CNOT6: variants seen among roughly 807,000 people sequenced by gnomAD.
CNOT6 encodes the protein carbon catabolite repression 4 protein.
Under a neutral mutation model 61.2 loss-of-function variants are expected in CNOT6, and 12 were observed. The ratio of observed to expected loss-of-function variants is 0.20; its 90% CI spans 0.13 to 0.32. The LOEUF is 0.32. CNOT6 is among the 10% of genes least tolerant of loss of function. CNOT6 has a pLI of 1.00. For synonymous variants in CNOT6, 225 were observed against 240.6 expected, an observed-to-expected ratio of 0.94 and a Z score of 0.60; for missense variants, 405 against 663.9, an observed-to-expected ratio of 0.61 and a Z score of 4.28.
At chr5:180,502,146 A>T (rs1284870190) in intron 1 of CNOT6, among the ~76,000 whole-genome samples, 1 of 152,218 alleles carries the variant, frequency 6.6e-6, no homozygotes, top group Non-Finnish European at 1.5e-5. Context: ...TAAGTCCAAA[A>T]CTTTGGAAAT....
chr5:180,533,099 T>C (rs899812606), intron 2 of CNOT6, among the ~76,000 whole-genome samples: 2 of 152,084 alleles, frequency 1.3e-5, no homozygotes, highest in African/African-American at 4.8e-5. Context: ...CTCAGACTTT[T>C]CTTGGGCTGT....
At chr5:180,520,276 A>C (rs1439162040) in intron 1 of CNOT6, among the ~76,000 whole-genome samples, 2 of 150,904 alleles carry the variant, frequency 1.3e-5, no homozygotes. Context: ...AAGAGTTTTT[A>C]GATGAACATC....
At chr5:180,501,005 A>G (rs1561628680) in intron 1 of CNOT6, among the ~76,000 whole-genome samples, 1 of 152,174 alleles carries the variant, frequency 6.6e-6, no homozygotes, top group Non-Finnish European at 1.5e-5. Context: ...GCTGTGGAGC[A>G]TAAGACACAG....
chr5:180,514,883 A>G (rs1757561505), intron 1 of CNOT6, among the ~76,000 whole-genome samples: 1 of 152,154 alleles, frequency 6.6e-6, no homozygotes, highest in African/African-American at 2.4e-5. Flanking sequence ...AAAAAAATAG[A>G]CCAGTTCATT....
chr5:180,565,912 G>T lies in CNOT6; in HGVS notation c.652G>T (p.Asp218Tyr). ...GYCPSWALNW[D>Y]YRKKAIIQEI... The stretch of plus-strand genomic sequence containing the variant: ...CTGTCCATCATGGGCGCTAAACTGG[G>T]ACTACAGGAAAAAGGCCATTATTCA... Residue 218 changes from aspartate (D) to tyrosine (Y), a missense_variant, in exon 7 of 12, where the codon GAC becomes TAC. This residue lies in a region of CNOT6 where 212 missense variants were observed against 307.1 expected (regional missense o/e 0.69). Coordinates refer to ENST00000261951, the MANE Select transcript of CNOT6 (RefSeq NM_001370472.1). The T allele has an allele frequency of 1.2e-6, 2 of 1,613,870 alleles. No homozygotes were observed. The highest frequency in any genetic ancestry group is 1.7e-6 in the Non-Finnish European group (2 of 1,179,902).
chr5:180,558,671 A>C (rs1268299884), intron 4 of CNOT6, among the ~76,000 whole-genome samples: 1 of 148,738 alleles, frequency 6.7e-6, no homozygotes, highest in Admixed American at 6.7e-5. Flanking sequence ...TATTGAATTG[A>C]GGCTTCTGTC....
At chr5:180,529,729 G>C (rs1758262679) in intron 2 of CNOT6, among the ~76,000 whole-genome samples, 1 of 152,222 alleles carries the variant, frequency 6.6e-6, no homozygotes, top group Non-Finnish European at 1.5e-5. Flanking sequence ...TTGATTCTCT[G>C]ATAAAGTAGG....
At chr5:180,528,932 C>T (rs559353376) in intron 1 of CNOT6, among the ~76,000 whole-genome samples, 9 of 152,166 alleles carry the variant, frequency 5.9e-5, no homozygotes, top group South Asian at 2.1e-4. Flanking sequence ...AGATGTGGGT[C>T]GGGCATGCTG....
intron 4 of CNOT6, among the ~76,000 whole-genome samples, chr5:180,559,681 C>G (rs1435370913): frequency 1.3e-5 from 2 of 152,008 alleles, no homozygotes; most frequent in Non-Finnish European, 2.9e-5. Flanking sequence ...TTTCTCTTTG[C>G]TTCTGCCTGC....
At chr5:180,557,181 G>A (rs1581554988) in intron 4 of CNOT6, among the ~76,000 whole-genome samples, 1 of 152,278 alleles carries the variant, frequency 6.6e-6, no homozygotes, top group East Asian at 1.9e-4. Flanking sequence ...ATTTGGGGCT[G>A]TTACAAATAA....
intron 1 of CNOT6, among the ~76,000 whole-genome samples, chr5:180,508,836 T>TTA (rs1561632732): frequency 1.8e-4 from 22 of 124,602 alleles, no homozygotes; most frequent in East Asian, 2.3e-4. Flanking sequence ...TATTATTATT[T>TTA]TTTTTTGAGA....
chr5:180,500,613 G>A (rs1016115091), intron 1 of CNOT6, among the ~76,000 whole-genome samples: 1 of 151,962 alleles, frequency 6.6e-6, no homozygotes, highest in African/African-American at 2.4e-5. Flanking sequence ...TCAAATGCAC[G>A]TTTTCAAAAC....
At chr5:180,502,426 C>G (rs1272903186) in intron 1 of CNOT6, among the ~76,000 whole-genome samples, 1 of 152,124 alleles carries the variant, frequency 6.6e-6, no homozygotes, top group Non-Finnish European at 1.5e-5. Flanking sequence ...CATAATATTA[C>G]AATTTTCAGC....
In CNOT6 at chr5:180,560,959, TATCA is replaced by T. The variant is rs200649892; in HGVS notation, c.386-3521_386-3518del. Among the ~76,000 whole-genome samples, 63 of 25,264 alleles carry T rather than the reference TATCA, an allele frequency of 2.5e-3. No individual in the cohort carries two copies. The East Asian group carries it at 0.4, about 162-fold the overall frequency. The allele number at this position is 25,264 out of a possible 152,430, so 16.6% of individuals were successfully genotyped here. ...GTGTTGGTCTGTGTTCTTATCTATCTATCAATCAATCAGTCAATCAAGAGACGAG... is the reference window on the plus strand; with the variant it reads ...GTGTTGGTCTGTGTTCTTATCTATCTATCAATCAGTCAATCAAGAGACGAG... On this transcript the variant is annotated intron_variant, in intron 4 of 11. Coordinates refer to ENST00000261951, the MANE Select transcript of CNOT6 (RefSeq NM_001370472.1).
chr5:180,526,115 A>G (rs912286789), intron 1 of CNOT6, among the ~76,000 whole-genome samples: 2 of 152,140 alleles, frequency 1.3e-5, no homozygotes, highest in Non-Finnish European at 1.5e-5. Flanking sequence ...TTTCTTCTTG[A>G]TAGTTTTTGG....
rs78701331 is a variant in CNOT6 at position 180,522,366 on chromosome 5, G to A, written c.-2-6909G>A. On this transcript the variant is annotated intron_variant, in intron 1 of 11. Transcript: ENST00000261951. ...TTGGCTCAGGTGATCCGCCCTCGTA[G>A]GCCCCCCAAAATGCTGGGATTGTAA... 1.7e-3 allele frequency among the ~76,000 whole-genome samples: 263 copies of A among 152,098 alleles called. 7 individuals are homozygous for A. The East Asian group carries it at 0.043, about 25-fold the overall frequency.
chr5:180,510,826 C>G (rs1389695864), intron 1 of CNOT6, among the ~76,000 whole-genome samples: 1 of 151,174 alleles, frequency 6.6e-6, no homozygotes, highest in Non-Finnish European at 1.5e-5. Flanking sequence ...TTTTTTGCGA[C>G]AGAGTCTCGC....
At chr5:180,539,097 C>T (rs1758877393) in intron 2 of CNOT6, among the ~76,000 whole-genome samples, 1 of 149,850 alleles carries the variant, frequency 6.7e-6, no homozygotes, top group African/African-American at 2.5e-5. Context: ...ATTTGTTGAA[C>T]CCGGGAGGCA....
chr5:180,567,352 T>A (rs992936442), intron 8 of CNOT6, 110 bp downstream of exon 8: 3 of 914,560 alleles, frequency 3.3e-6, no homozygotes, highest in Non-Finnish European at 4.8e-6. Context: ...ATATTATTAC[T>A]GAAGCAAAGA....
Sources: allele counts gnomAD v4.1 joint callset (sites outside exome capture counted in the v4.1 genomes callset), GRCh38; gene constraint gnomAD v4.1.1; regional missense constraint gnomAD v4.1.1; transcripts MANE v1.5; gene names NCBI Gene and HGNC (gene_info 2026-07-23, HGNC 2026-07-21).